Variants in SMS observed in about 807,000 individuals in gnomAD.
The protein encoded by SMS is spermine synthase.
A neutral mutation model predicts 33.0 loss-of-function variants in SMS; 3 were observed. The ratio of observed to expected loss-of-function variants is 0.09; its 90% CI spans 0.04 to 0.23. SMS has a LOEUF of 0.23. SMS is among the 10% of genes least tolerant of loss of function. The probability of loss-of-function intolerance (pLI) is 1.00; values close to 1 mark genes in which losing one functional copy is unlikely to be tolerated. For missense variants in SMS, 117 were observed against 288.6 expected (o/e 0.41, Z 4.31); for synonymous variants, 103 against 112.2 (o/e 0.92, Z 0.52).
At chrX:21,953,318 G>C (rs1922744902) in intron 1 of SMS, among the ~76,000 whole-genome samples, 1 of 106,037 alleles carries the variant, frequency 9.4e-6, no homozygotes, top group African/African-American at 3.5e-5. Context: ...CTGTGCAGGG[G>C]GGAGCATATT....
At chrX:21,989,646 CTA>C (rs1420341066) in intron 9 of SMS, among the ~76,000 whole-genome samples, 1 of 111,255 alleles carries the variant, frequency 9.0e-6, no homozygotes, top group Non-Finnish European at 1.9e-5. Context: ...AAAGAAATAA[CTA>C]TACACGCCTG....
chrX:21,980,429 A>AAAAAAAAATATATAT (rs1260210326), intron 7 of SMS, among the ~76,000 whole-genome samples: 4 of 63,039 alleles, frequency 6.3e-5, no homozygotes, highest in Admixed American at 6.0e-4. Context: ...AAAAAAAAAA[A>AAAAAAAAATATATAT]ATATATATAT....
chrX:21,954,538 G>T (rs1279337902), intron 1 of SMS, among the ~76,000 whole-genome samples: 1 of 111,718 alleles, frequency 9.0e-6, no homozygotes, highest in Non-Finnish European at 1.9e-5. Context: ...GTTTTGACTT[G>T]TGTCCTCTGT....
At chrX:21,972,465 C>T (rs1293456020) in intron 3 of SMS, 42 bp from the exon 4 acceptor site, 1 of 907,502 alleles carries the variant, frequency 1.1e-6, no homozygotes, top group Non-Finnish European at 1.6e-6. Flanking sequence ...TTCTTCCATG[C>T]AGCTTATTCT....
In SMS at chrX:21,978,972, T is replaced by A. The variant is rs1390031696; in HGVS notation, c.750+6T>A. The A allele has an allele frequency of 8.9e-7, 1 of 1,129,559 alleles. No individual in the cohort carries two copies. Among genetic ancestry groups the A allele is most frequent in the Non-Finnish European group, 1.2e-6 (1 of 820,524 alleles). The allele number at this position is 1,129,559 out of a possible 1,213,427, so 93.1% of individuals were successfully genotyped here. ...TTAAAGGAGACTGCTATCAGGTAAT[T>A]GTTTTCTGGATAATGTAGTTTTAAG... On this transcript the variant is annotated splice_donor_region_variant and intron_variant, in intron 7 of 10. Transcript: ENST00000404933.
Position 21,988,525 on chromosome X carries a change from C to T in SMS, c.945+3302C>T, listed in dbSNP as rs1007064219. 5.5e-5 allele frequency among the ~76,000 whole-genome samples: 6 copies of T among 108,864 alleles called. No individual in the cohort carries two copies. In the South Asian group the frequency reaches 1.2e-3, roughly 22 times the overall value. 94.5% of individuals were successfully genotyped at this position (108,864 alleles called of 115,157 possible). On this transcript the variant is annotated intron_variant, in intron 9 of 10. Coordinates refer to ENST00000404933, the MANE Select transcript of SMS (RefSeq NM_004595.5). ...CTAAAAATACAAAAAATTAGCCGGG[C>T]GCGGTGGCAGACGCCTGTAGTCCCA...
At chrX:21,980,429 AAT>A (rs1187267102) in intron 7 of SMS, among the ~76,000 whole-genome samples, 12 of 63,044 alleles carry the variant, frequency 1.9e-4, no homozygotes, top group African/African-American at 3.3e-4. Context: ...AAAAAAAAAA[AAT>A]ATATATATAT....
chrX:21,980,427 A>T (rs868218617), intron 7 of SMS, among the ~76,000 whole-genome samples: 61 of 77,247 alleles, frequency 7.9e-4, no homozygotes, highest in African/African-American at 9.4e-4. Flanking sequence ...AAAAAAAAAA[A>T]AAATATATAT....
chrX:21,944,461 G>A (rs189837211), intron 1 of SMS, among the ~76,000 whole-genome samples: 5 of 96,986 alleles, frequency 5.2e-5, no homozygotes, highest in East Asian at 3.3e-4. Context: ...TCTGGGAGGC[G>A]AAGCGCTTGA....
At chrX:21,993,494 G>A (rs952202865) in intron 10 of SMS, among the ~76,000 whole-genome samples, 6 of 112,772 alleles carry the variant, frequency 5.3e-5, no homozygotes, top group African/African-American at 1.9e-4. Context: ...CCAGGTTCCT[G>A]TGACGGCAGG....
chrX:21,948,193 A>G (rs976302772), intron 1 of SMS, among the ~76,000 whole-genome samples: 1 of 111,341 alleles, frequency 9.0e-6, no homozygotes, highest in African/African-American at 3.3e-5. Context: ...CCTTAAACCT[A>G]TGGAGGTAGC....
At chrX:21,993,595 C>G (rs1925899445) in intron 10 of SMS, among the ~76,000 whole-genome samples, 1 of 112,128 alleles carries the variant, frequency 8.9e-6, no homozygotes, top group African/African-American at 3.2e-5. Context: ...GGCAAACTGC[C>G]TGCTGAGACC....
chrX:21,985,331 A>G lies in SMS; in HGVS notation c.945+108A>G. The stretch of plus-strand genomic sequence containing the variant: ...TATCTATTAAGGATAGAGCGGCATC[A>G]TCGGATTATGTTCTTTCAAACAGTA... On this transcript the variant is annotated intron_variant, in intron 9 of 10. Transcript: ENST00000404933. 7.9e-6 allele frequency: 4 copies of G among 505,463 alleles called. No individual in the cohort carries two copies. In the South Asian group the frequency reaches 9.9e-5, roughly 13 times the overall value. 41.7% of individuals were successfully genotyped at this position (505,463 alleles called of 1,213,427 possible). A position where few individuals can be genotyped will look rare whatever the true frequency, so the allele number is the denominator to read the frequency against.
chrX:21,990,947 A>T (rs1388724779), intron 9 of SMS, among the ~76,000 whole-genome samples: 1 of 112,317 alleles, frequency 8.9e-6, no homozygotes, highest in Non-Finnish European at 1.9e-5. Flanking sequence ...AGGACCCTAG[A>T]TGATGGGTTA....
In SMS at chrX:21,994,302, C is replaced by A. The variant is rs747473519; in HGVS notation, c.1062-10C>A. 2.5e-6 allele frequency: 3 copies of A among 1,203,099 alleles called. No individual in the cohort carries two copies. In the African/African-American group the frequency reaches 5.3e-5, roughly 21 times the overall value. On this transcript the variant is annotated splice_polypyrimidine_tract_variant and intron_variant, in intron 10 of 10. Transcript: ENST00000404933. Reference sequence around the variant, plus strand: ...AATTACCTGCTTTTATTCCTTGACTCCCTGTCCAGGTGGGTATTTTACACT... The same window carrying A: ...AATTACCTGCTTTTATTCCTTGACTACCTGTCCAGGTGGGTATTTTACACT...
intron 10 of SMS, among the ~76,000 whole-genome samples, chrX:21,993,005 G>C (rs371005685): frequency 9.0e-6 from 1 of 111,705 alleles, no homozygotes; most frequent in Non-Finnish European, 1.9e-5. Flanking sequence ...GGTGTTGCCA[G>C]ACCTGCAGCA....
At chrX:21,977,318 T>C (rs1441308488) in intron 5 of SMS, 82 bp downstream of exon 5, 4 of 907,697 alleles carry the variant, frequency 4.4e-6, no homozygotes, top group Non-Finnish European at 6.5e-6. Context: ...ATTACTACTG[T>C]CGTGGATTTG....
chrX:21,943,704 A>G (rs1921988035), intron 1 of SMS, among the ~76,000 whole-genome samples: 1 of 111,112 alleles, frequency 9.0e-6, no homozygotes, highest in Non-Finnish European at 1.9e-5. Context: ...TCTGGGCGTA[A>G]GAACTCCGAT....
chrX:21,965,172 A>T (rs939774573), intron 1 of SMS, among the ~76,000 whole-genome samples: 4 of 111,939 alleles, frequency 3.6e-5, no homozygotes, highest in African/African-American at 1.3e-4. Flanking sequence ...TTATCTCAAG[A>T]TCCTTAACTT....
Sources: gnomAD v4.1 joint callset for allele counts (sites outside exome capture counted in the v4.1 genomes callset) on GRCh38, gnomAD v4.1.1 for gene constraint, MANE v1.5 for transcripts, NCBI Gene and HGNC (gene_info 2026-07-23, HGNC 2026-07-21) for gene names.